The following ZC3H14 variants were observed in gnomAD, a reference collection of about 807,000 sequenced individuals.
ZC3H14 encodes zinc finger CCCH domain-containing protein 14.
ZC3H14 carries 31 observed loss-of-function variants against 92.4 expected under a neutral mutation model. The observed-to-expected ratio is 0.34, with a 90% CI of 0.25 to 0.45. ZC3H14 has a LOEUF of 0.45. Among genes scored for constraint, ZC3H14 ranks in the 20% least tolerant of loss-of-function variants. The pLI is 1.00. For missense variants in ZC3H14, 781 were observed against 897.3 expected (o/e 0.87, Z 1.66); for synonymous variants, 321 against 300.9 (o/e 1.07, Z -0.69).
At position 88,572,785 on chromosome 14, in the gene ZC3H14, A is replaced by G; in HGVS notation, c.639A>G (p.Glu213=). ...LTYGSSRPSI[E]IYRPPASRNA... ...ATGGTTCTTCTCGCCCTTCTATTGA[A>G]ATTTATCGACCACCTGCAAGTAGAA... Residue 213 remains glutamate (E), a synonymous_variant, in exon 6 of 17, where the codon GAA becomes GAG. Transcript: ENST00000251038. The G allele has an allele frequency of 6.2e-7, 1 of 1,614,190 alleles. No homozygotes were observed. Among genetic ancestry groups the G allele is most frequent in the South Asian group, 1.1e-5 (1 of 91,080 alleles).
At chr14:88,569,953 C>T (rs992938266) in intron 3 of ZC3H14, among the ~76,000 whole-genome samples, 7 of 152,012 alleles carry the variant, frequency 4.6e-5, no homozygotes, top group East Asian at 1.9e-4. Flanking sequence ...CCCAGCCCCC[C>T]ACAAAAAAAG....
intron 2 of ZC3H14, among the ~76,000 whole-genome samples, chr14:88,567,141 A>T (rs1488591570): frequency 1.1e-5 from 1 of 92,064 alleles, no homozygotes; most frequent in African/African-American, 4.0e-5. Flanking sequence ...TTTGAGACAG[A>T]GTCTTGCTCT....
At chr14:88,570,106 A>G (rs2080202756) in intron 3 of ZC3H14, among the ~76,000 whole-genome samples, 1 of 152,220 alleles carries the variant, frequency 6.6e-6, no homozygotes, top group South Asian at 2.1e-4. Context: ...TTTAAAACCA[A>G]ATTAATTCAA....
chr14:88,572,046 G>A lies in ZC3H14; in HGVS notation c.252G>A (p.Lys84=), dbSNP rs1286962394. Residue 84 remains lysine, a synonymous_variant, in exon 5 of 17, where the codon AAG becomes AAA. Coordinates refer to ENST00000251038, the MANE Select transcript of ZC3H14 (RefSeq NM_024824.5). The stretch of plus-strand genomic sequence containing the variant: ...TCTTTTCAGAACCCTCTAGTCTGAA[G>A]TCTTCTGATACCAACATCTTTGATA... ...RSVTTEPSSL[K]SSDTNIFDSN... 1 of 1,613,952 alleles carries A rather than the reference G, an allele frequency of 6.2e-7. No individual in the cohort carries two copies. The highest frequency in any genetic ancestry group is 8.5e-7 in the Non-Finnish European group (1 of 1,180,020).
At chr14:88,576,279 C>T (rs2081147737) in intron 8 of ZC3H14, among the ~76,000 whole-genome samples, 1 of 152,034 alleles carries the variant, frequency 6.6e-6, no homozygotes, top group Non-Finnish European at 1.5e-5. Flanking sequence ...TATGAATTTA[C>T]GATGTGTAAA....
rs1230958653 is a variant in ZC3H14, at chr14:88,616,638, A to C, written c.*4887A>C. 5.3e-6 allele frequency: 7 copies of C among 1,314,290 alleles called. No individual in the cohort carries two copies. The highest frequency in any genetic ancestry group is 1.5e-5 in the African/African-American group (1 of 67,304). 81.4% of individuals were successfully genotyped at this position (1,314,290 alleles called of 1,614,324 possible). Reference sequence around the variant, plus strand: ...GGGAAAAATTTAGAAATTAGGACAAAACATTTTAAATATATGGGGAAAAGT... The same window carrying C: ...GGGAAAAATTTAGAAATTAGGACAACACATTTTAAATATATGGGGAAAAGT... On this transcript the variant is annotated 3_prime_UTR_variant, in exon 17 of 17. Transcript: ENST00000251038.
chr14:88,627,318 A>C lies in ZC3H14; in HGVS notation c.*15567A>C, dbSNP rs1185831640. On this transcript the variant is annotated 3_prime_UTR_variant, in exon 17 of 17. Coordinates refer to ENST00000251038, the MANE Select transcript of ZC3H14 (RefSeq NM_024824.5). ...ATTATCCTGCTGATCTGCCATTATC[A>C]TTAGAAATATACATAATTTTCATAA... 4.2e-6 allele frequency: 2 copies of C among 480,960 alleles called. No individual in the cohort carries two copies. The highest frequency in any genetic ancestry group is 7.3e-5 in the Admixed American group (2 of 27,430). 29.8% of individuals were successfully genotyped at this position (480,960 alleles called of 1,614,324 possible). A position where few individuals can be genotyped will look rare whatever the true frequency, so the allele number is the denominator to read the frequency against.
At chr14:88,597,918 C>T (rs1482047763) in intron 10 of ZC3H14, among the ~76,000 whole-genome samples, 1 of 152,206 alleles carries the variant, frequency 6.6e-6, no homozygotes, top group Non-Finnish European at 1.5e-5. Flanking sequence ...TGAATGACTG[C>T]AGTCCTTAGC....
intron 9 of ZC3H14, chr14:88,589,447 G>A (rs1194678636): frequency 6.6e-6 from 1 of 152,026 alleles, no homozygotes; most frequent in Non-Finnish European, 1.5e-5. Flanking sequence ...CCAAATTCAA[G>A]GCTTGATATA....
chr14:88,567,232 C>T (rs1007310154), intron 2 of ZC3H14, among the ~76,000 whole-genome samples: 1 of 151,338 alleles, frequency 6.6e-6, no homozygotes, highest in Non-Finnish European at 1.5e-5. Flanking sequence ...TCTCCTGCCT[C>T]GGCCTCCCGA....
At chr14:88,573,498 A>C (rs2080750428) in intron 6 of ZC3H14, among the ~76,000 whole-genome samples, 1 of 151,966 alleles carries the variant, frequency 6.6e-6, no homozygotes, top group Non-Finnish European at 1.5e-5. Flanking sequence ...TGATGGCGCG[A>C]TCTCAACTCA....
intron 10 of ZC3H14, among the ~76,000 whole-genome samples, chr14:88,597,873 G>A (rs1043999853): frequency 3.9e-5 from 6 of 152,288 alleles, no homozygotes; most frequent in Admixed American, 2.0e-4. Flanking sequence ...CATGGTGCAC[G>A]CAGTTTGAAA....
intron 8 of ZC3H14, among the ~76,000 whole-genome samples, chr14:88,576,808 TG>T (rs1200212658): frequency 6.6e-6 from 1 of 152,186 alleles, no homozygotes; most frequent in Non-Finnish European, 1.5e-5. Flanking sequence ...TTTCTTTTTT[TG>T]AGGCGAAGTC....
In ZC3H14 at chr14:88,622,485, G is replaced by T; in HGVS notation, c.*10734G>T. ...AGCAAAGACAGAGTAATGTTGGCAA[G>T]CAAATCCATCGTTATGCATTATTAA... On this transcript the variant is annotated 3_prime_UTR_variant, in exon 17 of 17. Coordinates refer to ENST00000251038, the MANE Select transcript of ZC3H14 (RefSeq NM_024824.5). 1.3e-6 allele frequency: 1 copy of T among 772,222 alleles called. No homozygotes were observed. The allele number at this position is 772,222 out of a possible 1,614,324, so 47.8% of individuals were successfully genotyped here.
chr14:88,615,948 T>C lies in ZC3H14; in HGVS notation c.*4197T>C. The C allele has an allele frequency of 7.0e-7, 1 of 1,420,456 alleles. No individual in the cohort carries two copies. The highest frequency in any genetic ancestry group is 9.6e-7 in the Non-Finnish European group (1 of 1,039,558). 88.0% of individuals were successfully genotyped at this position (1,420,456 alleles called of 1,614,324 possible). A position where few individuals can be genotyped will look rare whatever the true frequency, so the allele number is the denominator to read the frequency against. ...TTCAGTTGTGCTTTCAGGTTACATG[T>C]GTAATATTTTTCCTCTTTAACTCCT... On this transcript the variant is annotated 3_prime_UTR_variant, in exon 17 of 17. Coordinates refer to ENST00000251038, the MANE Select transcript of ZC3H14 (RefSeq NM_024824.5).
chr14:88,616,383 C>A lies in ZC3H14; in HGVS notation c.*4632C>A. The A allele has an allele frequency of 1.2e-6, 1 of 809,998 alleles. No individual in the cohort carries two copies. The highest frequency in any genetic ancestry group is 2.0e-6 in the Non-Finnish European group (1 of 499,976). The allele number at this position is 809,998 out of a possible 1,614,324, so 50.2% of individuals were successfully genotyped here. A position where few individuals can be genotyped will look rare whatever the true frequency, so the allele number is the denominator to read the frequency against. On this transcript the variant is annotated 3_prime_UTR_variant, in exon 17 of 17. Transcript: ENST00000251038. ...CGCAGCCAGTGATTAGAATGCTTTT[C>A]AGCATGAGTAGTGGATCTGCAAAAC...
chr14:88,616,169 A>G lies in ZC3H14; in HGVS notation c.*4418A>G. 1.9e-6 allele frequency: 3 copies of G among 1,613,934 alleles called. No homozygotes were observed. Among genetic ancestry groups the G allele is most frequent in the East Asian group, 2.2e-5 (1 of 44,886 alleles). ...GCAGTCATCACCTCCAGCACTAACA[A>G]CATGTCGATCACCACTGGTAAATCG... On this transcript the variant is annotated 3_prime_UTR_variant, in exon 17 of 17. Coordinates refer to ENST00000251038, the MANE Select transcript of ZC3H14 (RefSeq NM_024824.5).
chr14:88,568,521 G>A (rs571878439), intron 3 of ZC3H14, among the ~76,000 whole-genome samples: 1 of 152,090 alleles, frequency 6.6e-6, no homozygotes, highest in Non-Finnish European at 1.5e-5. Context: ...TTGAGAACTC[G>A]GGAACTCACT....
rs1285861537 is a variant in ZC3H14, at chr14:88,596,715, T to G, written c.1280-19T>G. 6.2e-7 allele frequency: 1 copy of G among 1,611,090 alleles called. No homozygotes were observed. Among genetic ancestry groups the G allele is most frequent in the Admixed American group, 1.7e-5 (1 of 60,016 alleles). On this transcript the variant is annotated intron_variant, in intron 9 of 16. Coordinates refer to ENST00000251038, the MANE Select transcript of ZC3H14 (RefSeq NM_024824.5). Reference sequence around the variant, plus strand: ...GTCTGTGTTGTAAGCTTAGTGAAGTTTTAAAATTTATATTCTAGGAACTCA... The same window carrying G: ...GTCTGTGTTGTAAGCTTAGTGAAGTGTTAAAATTTATATTCTAGGAACTCA...
Sources: allele counts gnomAD v4.1 joint callset (sites outside exome capture counted in the v4.1 genomes callset), GRCh38; gene constraint gnomAD v4.1.1; transcripts MANE v1.5; gene names NCBI Gene and HGNC (gene_info 2026-07-23, HGNC 2026-07-21).